Variants in CCDC91 observed in about 807,000 individuals in gnomAD.
CCDC91 encodes the protein coiled-coil domain containing 91, also known as coiled-coil domain-containing protein 91.
Under a neutral mutation model 63.2 loss-of-function variants are expected in CCDC91, and 48 were observed. The observed-to-expected ratio is 0.76, with a 90% CI of 0.60 to 0.97. The LOEUF (loss-of-function observed/expected upper bound fraction) is 0.97. Ranked by LOEUF, CCDC91 falls within the 50% of genes least tolerant of loss-of-function variation. The pLI is 0.00. For synonymous variants in CCDC91, 167 were observed against 165.8 expected (o/e 1.01, Z -0.06); for missense variants, 500 against 494.6 (o/e 1.01, Z -0.10).
intron 12 of CCDC91, among the ~76,000 whole-genome samples, chr12:28,515,477 T>C (rs1265185527): frequency 6.6e-6 from 1 of 151,940 alleles, no homozygotes; most frequent in Non-Finnish European, 1.5e-5. Context: ...ATGCCCTTTT[T>C]GCTAACTCTT....
intron 11 of CCDC91, among the ~76,000 whole-genome samples, chr12:28,475,424 T>A (rs1479722805): frequency 6.6e-6 from 1 of 152,140 alleles, no homozygotes; most frequent in Non-Finnish European, 1.5e-5. Context: ...ATTATGCTTT[T>A]AAGCTACATG....
chr12:28,252,703 T>C (rs1219601333), intron 1 of CCDC91, among the ~76,000 whole-genome samples: 1 of 152,130 alleles, frequency 6.6e-6, no homozygotes, highest in African/African-American at 2.4e-5. Flanking sequence ...TGGATAGTCT[T>C]TGTTTATTTC....
chr12:28,282,828 T>C (rs558819691), intron 3 of CCDC91, among the ~76,000 whole-genome samples: 3 of 152,304 alleles, frequency 2.0e-5, no homozygotes, highest in East Asian at 3.9e-4. Context: ...CTAGAATTTT[T>C]ATGGTTTCAG....
At chr12:28,534,351 G>C (rs1247026331) in intron 12 of CCDC91, among the ~76,000 whole-genome samples, 1 of 152,072 alleles carries the variant, frequency 6.6e-6, no homozygotes, top group Non-Finnish European at 1.5e-5. Flanking sequence ...ACTTTTTTAT[G>C]AATAGTTATA....
chr12:28,525,271 T>C (rs1489009859), intron 12 of CCDC91, among the ~76,000 whole-genome samples: 1 of 152,142 alleles, frequency 6.6e-6, no homozygotes, highest in Non-Finnish European at 1.5e-5. Flanking sequence ...CCACCTTTGC[T>C]GTATCCCAGA....
chr12:28,512,363 T>G (rs2141293135), intron 12 of CCDC91, among the ~76,000 whole-genome samples: 1 of 151,920 alleles, frequency 6.6e-6, no homozygotes, highest in Non-Finnish European at 1.5e-5. Context: ...AGGACAGAAA[T>G]AAGTGCATTC....
At chr12:28,485,253 G>C (rs1251019921) in intron 12 of CCDC91, among the ~76,000 whole-genome samples, 1 of 151,840 alleles carries the variant, frequency 6.6e-6, no homozygotes, top group African/African-American at 2.4e-5. Flanking sequence ...CTGCCTCCCG[G>C]ATTCAAGCAA....
At chr12:28,526,928 A>C (rs777887242) in intron 12 of CCDC91, among the ~76,000 whole-genome samples, 8 of 151,892 alleles carry the variant, frequency 5.3e-5, no homozygotes, top group Non-Finnish European at 1.2e-4. Flanking sequence ...TTGTATTTCT[A>C]TAAGTGTGTC....
chr12:28,385,698 T>C (rs1358293167), intron 7 of CCDC91, among the ~76,000 whole-genome samples: 2 of 152,230 alleles, frequency 1.3e-5, no homozygotes, highest in Non-Finnish European at 2.9e-5. Context: ...AAGACCTTAT[T>C]CCTTAGACAC....
chr12:28,374,882 A>T lies in CCDC91; in HGVS notation c.654+12367A>T, dbSNP rs117709157. On this transcript the variant is annotated intron_variant, in intron 7 of 12. Coordinates refer to ENST00000536442, the MANE Select transcript of CCDC91 (RefSeq NM_018318.5). ...CCCAATCCATGTTTAAACCAATTTA[A>T]GACCTAAAGTTATTATGTTCTATTA... Among the ~76,000 whole-genome samples, 383 of 152,228 alleles carry T rather than the reference A, an allele frequency of 2.5e-3. 19 individuals carry two copies. In the East Asian group the frequency reaches 0.063, roughly 25 times the overall value.
intron 7 of CCDC91, among the ~76,000 whole-genome samples, chr12:28,365,730 C>T (rs1221600879): frequency 1.3e-5 from 2 of 152,182 alleles, no homozygotes; most frequent in Non-Finnish European, 2.9e-5. Context: ...TCCATGACTA[C>T]ATATAATATT....
chr12:28,450,603 T>C (rs573973257), intron 10 of CCDC91, among the ~76,000 whole-genome samples, 185 bp downstream of exon 10: 3 of 151,910 alleles, frequency 2.0e-5, no homozygotes, highest in Admixed American at 6.6e-5. Context: ...TCACACAAGA[T>C]AATGGTAGCA....
At chr12:28,279,430 CA>C (rs1334291687) in intron 3 of CCDC91, among the ~76,000 whole-genome samples, 1 of 152,060 alleles carries the variant, frequency 6.6e-6, no homozygotes, top group African/African-American at 2.4e-5. Flanking sequence ...ATTCTCAGAG[CA>C]ATCTATTCTT....
intron 7 of CCDC91, among the ~76,000 whole-genome samples, chr12:28,387,781 C>T (rs1056442703): frequency 1.3e-5 from 2 of 152,134 alleles, no homozygotes; most frequent in Non-Finnish European, 2.9e-5. Flanking sequence ...TCTTTATCCA[C>T]TCGTTGATTG....
At chr12:28,350,553 G>C (rs1021114785) in intron 6 of CCDC91, among the ~76,000 whole-genome samples, 1 of 152,166 alleles carries the variant, frequency 6.6e-6, no homozygotes, top group Admixed American at 6.5e-5. Flanking sequence ...CTCATTCAAA[G>C]GACAGTGGAA....
At chr12:28,272,997 A>ACCC (rs1947891501) in intron 3 of CCDC91, among the ~76,000 whole-genome samples, 1 of 44,376 alleles carries the variant, frequency 2.3e-5, no homozygotes. Flanking sequence ...CCCTCCCCCC[A>ACCC]CCCCACAACA....
intron 6 of CCDC91, among the ~76,000 whole-genome samples, chr12:28,334,205 G>A (rs538870854): frequency 1.3e-5 from 2 of 152,168 alleles, no homozygotes; most frequent in South Asian, 4.1e-4. Flanking sequence ...TTGTTTGGGA[G>A]ACTTGCTTCC....
chr12:28,418,642 T>C (rs1212226579), intron 8 of CCDC91, among the ~76,000 whole-genome samples: 1 of 152,142 alleles, frequency 6.6e-6, no homozygotes, highest in African/African-American at 2.4e-5. Context: ...AGATTAATAC[T>C]GTAAAATAGA....
At chr12:28,240,233 A>G (rs573068032) in intron 1 of CCDC91, among the ~76,000 whole-genome samples, 6 of 152,216 alleles carry the variant, frequency 3.9e-5, no homozygotes, top group Admixed American at 1.3e-4. Context: ...CCTCTTATGC[A>G]TGTTTTCTAC....
Sources: allele counts gnomAD v4.1 joint callset (sites outside exome capture counted in the v4.1 genomes callset), GRCh38; gene constraint gnomAD v4.1.1; transcripts MANE v1.5; gene names NCBI Gene and HGNC (gene_info 2026-07-23, HGNC 2026-07-21).